The following FNIP1 variants were observed in gnomAD, a reference collection of about 807,000 sequenced individuals.
FNIP1 encodes the protein folliculin-interacting protein 1.
FNIP1 carries 40 observed loss-of-function variants against 124.5 expected under a neutral mutation model. That is an observed-to-expected ratio of 0.32 (90% CI 0.25 to 0.42). The LOEUF (loss-of-function observed/expected upper bound fraction) is 0.42. FNIP1 is among the 10% of genes least tolerant of loss of function. FNIP1 has a pLI of 1.00. For missense variants in FNIP1, 1,176 were observed against 1,403.7 expected (o/e 0.84, Z 2.59); for synonymous variants, 472 against 470.6 (o/e 1.00, Z -0.04).
chr5:131,697,631 T>G (rs911937906), intron 11 of FNIP1, among the ~76,000 whole-genome samples: 13 of 151,908 alleles, frequency 8.6e-5, no homozygotes, highest in African/African-American at 3.1e-4. Context: ...TGTTAAGATA[T>G]GATGTAAGTG....
intron 11 of FNIP1, among the ~76,000 whole-genome samples, chr5:131,694,445 A>T (rs1056549205): frequency 6.6e-6 from 1 of 152,208 alleles, no homozygotes; most frequent in Admixed American, 6.5e-5. Flanking sequence ...ACCACCACCA[A>T]GGAAGAATCT....
intron 1 of FNIP1, among the ~76,000 whole-genome samples, chr5:131,776,742 T>C (rs911142074): frequency 2.0e-5 from 3 of 152,122 alleles, no homozygotes; most frequent in Admixed American, 6.5e-5. Context: ...GAAGTGAGGA[T>C]AGTGGTTACC....
intron 9 of FNIP1, 88 bp from the exon 10 acceptor site, chr5:131,704,354 AAGT>A: frequency 9.0e-7 from 1 of 1,111,612 alleles, no homozygotes; most frequent in East Asian, 2.6e-5. Flanking sequence ...TAGGTAAGCT[AAGT>A]CTTTTGCTGT....
rs371301977 is a variant in FNIP1, at chr5:131,710,534, G to A, written c.706+44C>T. 155 of 1,572,784 alleles carry A rather than the reference G, an allele frequency of 9.9e-5. 1 individual carries two copies. Among genetic ancestry groups the A allele is most frequent in the South Asian group, 6.0e-4 (53 of 87,900 alleles). ...CACAGCTTAACTACAGATTCTAGCCGTTGGGGCACACCAACTAGTCTACCC... is the reference window on the plus strand; with the variant it reads ...CACAGCTTAACTACAGATTCTAGCCATTGGGGCACACCAACTAGTCTACCC... On this transcript the variant is annotated intron_variant, in intron 7 of 17. Transcript: ENST00000510461.
intron 3 of FNIP1, among the ~76,000 whole-genome samples, chr5:131,722,645 C>T (rs10062503): frequency 0.11 from 16,345 of 152,190 alleles, 2,097 homozygotes; most frequent in African/African-American, 0.31. Context: ...AAGACACCTT[C>T]AAGTAGCAAC....
intron 11 of FNIP1, among the ~76,000 whole-genome samples, chr5:131,697,410 C>G (rs1352238973): frequency 6.6e-6 from 1 of 152,104 alleles, no homozygotes; most frequent in Non-Finnish European, 1.5e-5. Flanking sequence ...CAGGCACATG[C>G]CAACACGCCT....
intron 2 of FNIP1, among the ~76,000 whole-genome samples, chr5:131,734,979 A>G: frequency 6.6e-6 from 1 of 152,230 alleles, no homozygotes; most frequent in East Asian, 1.9e-4. Flanking sequence ...AAAGGAATAT[A>G]AATCATGCTG....
At position 131,671,499 on chromosome 5, in the gene FNIP1, A is replaced by G; in HGVS notation, c.2939+6T>C. The G allele has an allele frequency of 6.3e-7, 1 of 1,599,784 alleles. No homozygotes were observed. The highest frequency in any genetic ancestry group is 1.3e-5 in the African/African-American group (1 of 74,708). On this transcript the variant is annotated splice_donor_region_variant and intron_variant, in intron 14 of 17. Coordinates refer to ENST00000510461, the MANE Select transcript of FNIP1 (RefSeq NM_133372.3). ...GGCCCATTATAGGTGAAAACTTCCTACTTACCCAGGAAAAGGTATCTCATC... is the reference window on the plus strand; with the variant it reads ...GGCCCATTATAGGTGAAAACTTCCTGCTTACCCAGGAAAAGGTATCTCATC...
intron 15 of FNIP1, among the ~76,000 whole-genome samples, chr5:131,657,584 T>C (rs1447138162): frequency 1.3e-5 from 2 of 151,782 alleles, no homozygotes; most frequent in Non-Finnish European, 1.5e-5. Flanking sequence ...AATCACGCCA[T>C]AGAAGATGCC....
chr5:131,718,919 G>C, intron 5 of FNIP1, 67 bp downstream of exon 5: 1 of 1,326,650 alleles, frequency 7.5e-7, no homozygotes, highest in Non-Finnish European at 1.1e-6. Context: ...CCTAAAAGCA[G>C]TTGGTTAGTT....
intron 16 of FNIP1, among the ~76,000 whole-genome samples, chr5:131,647,559 C>T (rs113054750): frequency 0.012 from 1,869 of 152,108 alleles, 33 homozygotes; most frequent in African/African-American, 0.04. Context: ...CTGCAACTTC[C>T]GCCTCCCGGG....
At chr5:131,699,951 T>A (rs1768840530) in intron 10 of FNIP1, among the ~76,000 whole-genome samples, 1 of 142,492 alleles carries the variant, frequency 7.0e-6, no homozygotes, top group Admixed American at 7.1e-5. Flanking sequence ...AATATAAAGA[T>A]TCTACAATAA....
intron 14 of FNIP1, 55 bp from the exon 15 acceptor site, chr5:131,670,686 AGT>A: frequency 7.8e-7 from 1 of 1,286,102 alleles, no homozygotes; most frequent in Non-Finnish European, 1.0e-6. Context: ...ATATTTAACC[AGT>A]AAAAAAAAAA....
intron 6 of FNIP1, among the ~76,000 whole-genome samples, chr5:131,714,263 C>A: frequency 6.6e-6 from 1 of 152,180 alleles, no homozygotes; most frequent in Non-Finnish European, 1.5e-5. Flanking sequence ...GAGACACTTC[C>A]AGTCAACATT....
At chr5:131,768,939 T>G (rs1771534492) in intron 1 of FNIP1, among the ~76,000 whole-genome samples, 1 of 152,200 alleles carries the variant, frequency 6.6e-6, no homozygotes, top group South Asian at 2.1e-4. Context: ...AAAATAATTC[T>G]AAATAAATTC....
At chr5:131,765,506 T>G (rs959717351) in intron 1 of FNIP1, among the ~76,000 whole-genome samples, 1 of 152,194 alleles carries the variant, frequency 6.6e-6, no homozygotes, top group Non-Finnish European at 1.5e-5. Flanking sequence ...TAGGATGAGT[T>G]GAGAAATCCA....
At chr5:131,788,799 T>C (rs972324010) in intron 1 of FNIP1, among the ~76,000 whole-genome samples, 1 of 150,322 alleles carries the variant, frequency 6.7e-6, no homozygotes, top group Non-Finnish European at 1.5e-5. Flanking sequence ...AAAAAACAAA[T>C]CTAATTCCAC....
At chr5:131,774,601 T>G (rs1164745617) in intron 1 of FNIP1, among the ~76,000 whole-genome samples, 1 of 152,180 alleles carries the variant, frequency 6.6e-6, no homozygotes, top group African/African-American at 2.4e-5. Flanking sequence ...AAAGGTAACC[T>G]CTAGTTAAAA....
At chr5:131,714,451 A>G (rs1366444245) in intron 6 of FNIP1, among the ~76,000 whole-genome samples, 1 of 152,188 alleles carries the variant, frequency 6.6e-6, no homozygotes, top group Non-Finnish European at 1.5e-5. Flanking sequence ...ACCCGAACCA[A>G]CACACCTGCA....
Sources: allele counts gnomAD v4.1 joint callset (sites outside exome capture counted in the v4.1 genomes callset), GRCh38; gene constraint gnomAD v4.1.1; transcripts MANE v1.5; gene names NCBI Gene and HGNC (gene_info 2026-07-23, HGNC 2026-07-21).